C1orf141: variants seen among roughly 807,000 people sequenced by gnomAD.
The protein encoded by C1orf141 is uncharacterized protein C1orf141.
C1orf141 carries 19 observed loss-of-function variants against 23.2 expected under a neutral mutation model. That is an observed-to-expected ratio of 0.82 (90% CI 0.57 to 1.20). C1orf141 has a LOEUF of 1.20. Ranked by LOEUF, C1orf141 falls within the 50% of genes most tolerant of loss-of-function variation. The probability of loss-of-function intolerance (pLI) is 0.00; values close to 1 mark genes in which losing one functional copy is unlikely to be tolerated. For missense variants in C1orf141, 469 were observed against 455.1 expected, an observed-to-expected ratio of 1.03 and a Z score of -0.28; for synonymous variants, 153 against 154.6, an observed-to-expected ratio of 0.99 and a Z score of 0.08.
chr1:67,127,640 C>CGTT (rs1216945228), intron 2 of C1orf141, among the ~76,000 whole-genome samples: 1 of 151,254 alleles, frequency 6.6e-6, no homozygotes, highest in South Asian at 2.1e-4. Context: ...TTAATTTTGT[C>CGTT]GTTGTTGTTG....
chr1:67,108,126 C>A lies in C1orf141; in HGVS notation c.346+7226G>T, dbSNP rs115737358. On this transcript the variant is annotated intron_variant, in intron 5 of 7. Coordinates refer to ENST00000684719, the MANE Select transcript of C1orf141 (RefSeq NM_001276351.2). Reference sequence around the variant, plus strand: ...CTTAAATATCACAAATAAAAATGTACCAATGTCTTATTTTATTCAAGCTGC... The same window carrying A: ...CTTAAATATCACAAATAAAAATGTAACAATGTCTTATTTTATTCAAGCTGC... 1.6e-3 allele frequency among the ~76,000 whole-genome samples: 251 copies of A among 152,212 alleles called. 2 individuals are homozygous for A. Among genetic ancestry groups the A allele is most frequent in the African/African-American group, 6.0e-3 (249 of 41,538 alleles).
chr1:67,118,935 C>G (rs968128363), intron 4 of C1orf141, among the ~76,000 whole-genome samples: 1 of 152,090 alleles, frequency 6.6e-6, no homozygotes, highest in African/African-American at 2.4e-5. Context: ...TTTAAGCCAC[C>G]CAGGCTATGG....
chr1:67,130,046 C>A (rs887437763), intron 2 of C1orf141, among the ~76,000 whole-genome samples: 1 of 152,096 alleles, frequency 6.6e-6, no homozygotes, highest in South Asian at 2.1e-4. Context: ...ATGCTGATGA[C>A]TTTCTGGATT....
intron 4 of C1orf141, among the ~76,000 whole-genome samples, chr1:67,119,082 T>C (rs979744811): frequency 2.0e-5 from 3 of 152,198 alleles, no homozygotes; most frequent in African/African-American, 7.2e-5. Context: ...TGGAAGTGCA[T>C]GCTAGAAAAT....
rs766837562 is a variant in C1orf141 at position 67,125,752 on chromosome 1, A to G, written c.233T>C (p.Met78Thr). The G allele has an allele frequency of 6.2e-7, 1 of 1,613,574 alleles. No homozygotes were observed. Among genetic ancestry groups the G allele is most frequent in the Non-Finnish European group, 8.5e-7 (1 of 1,179,540 alleles). Residue 78 changes from methionine (M) to threonine (T), a missense_variant and splice_region_variant, in exon 4 of 8, where the codon ATG becomes ACG. By Grantham distance (81) the Met-to-Thr change is moderately conservative. Coordinates refer to ENST00000684719, the MANE Select transcript of C1orf141 (RefSeq NM_001276351.2). Reference protein sequence around the residue: ...DKSCSITKSKMHVSFKCEPEP... With the variant: ...DKSCSITKSKTHVSFKCEPEP... Reference sequence around the variant, plus strand: ...AATTTAAGGTGGTTATGATAGTTACATTTTTGATTTTGTAATGCTGCATGA... The same window carrying G: ...AATTTAAGGTGGTTATGATAGTTACGTTTTTGATTTTGTAATGCTGCATGA...
chr1:67,140,479 C>T (rs115742343), intron 1 of C1orf141, among the ~76,000 whole-genome samples: 1,752 of 152,180 alleles, frequency 0.012, 33 homozygotes, highest in African/African-American at 0.04. Flanking sequence ...ATGACATAGT[C>T]GAAGTCATGT....
intron 4 of C1orf141, among the ~76,000 whole-genome samples, chr1:67,119,795 T>C (rs975576785): frequency 6.6e-6 from 1 of 152,256 alleles, no homozygotes; most frequent in African/African-American, 2.4e-5. Flanking sequence ...ATAGAGCTAC[T>C]GTATGCAGCT....
chr1:67,120,744 A>G (rs959427214), intron 4 of C1orf141, among the ~76,000 whole-genome samples: 2 of 152,168 alleles, frequency 1.3e-5, no homozygotes, highest in Non-Finnish European at 2.9e-5. Context: ...TAGAACTATG[A>G]CAAATAAATT....
chr1:67,128,861 G>C (rs530583810), intron 2 of C1orf141, among the ~76,000 whole-genome samples: 4 of 152,116 alleles, frequency 2.6e-5, no homozygotes, highest in Middle Eastern at 3.4e-3. Context: ...TAATACTAAG[G>C]TTCTTTCCAG....
At chr1:67,113,772 A>G (rs1192207556) in intron 5 of C1orf141, 5 of 1,158,070 alleles carry the variant, frequency 4.3e-6, no homozygotes, top group Non-Finnish European at 5.7e-6. Context: ...TGATTTAAGG[A>G]AAGAAAATGG....
chr1:67,098,826 T>C (rs11804614), intron 5 of C1orf141, among the ~76,000 whole-genome samples: 15,229 of 151,634 alleles, frequency 0.1, 1,187 homozygotes, highest in African/African-American at 0.22. Context: ...AAGGTAAAAA[T>C]AAAAACAGGT....
chr1:67,130,084 T>G (rs537202787), intron 2 of C1orf141, among the ~76,000 whole-genome samples: 1 of 152,232 alleles, frequency 6.6e-6, no homozygotes, highest in African/African-American at 2.4e-5. Context: ...GGACAGATTT[T>G]GAAAGAGAAC....
At chr1:67,096,039 T>C in intron 6 of C1orf141, 1 of 350,194 alleles carries the variant, frequency 2.9e-6, no homozygotes. Flanking sequence ...TTGTATTCCC[T>C]CTATTCATTT....
chr1:67,138,502 A>G (rs1381503250), upstream of C1orf141, among the ~76,000 whole-genome samples: 2 of 152,052 alleles, frequency 1.3e-5, no homozygotes, highest in East Asian at 1.9e-4. Context: ...TGTAAATATC[A>G]TTGTACCCTG....
chr1:67,100,277 G>A (rs1207719076), intron 5 of C1orf141, among the ~76,000 whole-genome samples: 1 of 152,056 alleles, frequency 6.6e-6, no homozygotes, highest in African/African-American at 2.4e-5. Flanking sequence ...CTTGTCTAAT[G>A]TGGTCATATT....
At chr1:67,135,165 G>A (rs1387217797), upstream of C1orf141, among the ~76,000 whole-genome samples, 2 of 152,240 alleles carry the variant, frequency 1.3e-5, no homozygotes, top group African/African-American at 4.8e-5. Flanking sequence ...TTATGCTGAA[G>A]GAGTGGAAGG....
chr1:67,118,741 T>G (rs1646245483), intron 4 of C1orf141, among the ~76,000 whole-genome samples: 1 of 151,970 alleles, frequency 6.6e-6, no homozygotes, highest in Non-Finnish European at 1.5e-5. Context: ...CTAAGAAGAG[T>G]TGGTCTAACT....
chr1:67,101,488 G>GTGTGTGTGTGTGTGT (rs1645798787), intron 5 of C1orf141, among the ~76,000 whole-genome samples: 1 of 136,406 alleles, frequency 7.3e-6, no homozygotes, highest in African/African-American at 2.8e-5. Flanking sequence ...GTGTGTGTGT[G>GTGTGTGTGTGTGTGT]ATGGAGTAGG....
At chr1:67,098,784 G>C (rs564496682) in intron 5 of C1orf141, among the ~76,000 whole-genome samples, 2 of 152,136 alleles carry the variant, frequency 1.3e-5, no homozygotes, top group South Asian at 4.1e-4. Flanking sequence ...ACTCACATTA[G>C]AGAATAAGCT....
Sources: allele counts gnomAD v4.1 joint callset (sites outside exome capture counted in the v4.1 genomes callset), GRCh38; gene constraint gnomAD v4.1.1; transcripts MANE v1.5; gene names NCBI Gene and HGNC (gene_info 2026-07-23, HGNC 2026-07-21).